RADIL: variants seen among roughly 807,000 people sequenced by gnomAD.
The protein encoded by RADIL is Rap associating with DIL domain, also known as ras-associating and dilute domain-containing protein.
In RADIL, 99 loss-of-function variants were observed where a neutral mutation model predicts 97.6. That is an observed-to-expected ratio of 1.01 (90% CI 0.86 to 1.20). The LOEUF (loss-of-function observed/expected upper bound fraction) is 1.20, where lower values mean the gene tolerates loss of function less well. Ranked by LOEUF, RADIL falls within the 50% of genes most tolerant of loss-of-function variation. The pLI, the probability that RADIL is intolerant of heterozygous loss-of-function variation, is 0.00. For synonymous variants in RADIL, 803 were observed against 691.8 expected (o/e 1.16, Z -2.52); for missense variants, 1,765 against 1,498.9 (o/e 1.18, Z -2.93).
At chr7:4,804,741 C>T (rs192846037) in intron 10 of RADIL, among the ~76,000 whole-genome samples, 34 of 150,246 alleles carry the variant, frequency 2.3e-4, no homozygotes, top group African/African-American at 8.1e-4. Context: ...GAGCCAAGAT[C>T]GAGCCACTGC....
intron 9 of RADIL, 27 bp from the exon 10 acceptor site, chr7:4,805,743 C>A: frequency 3.1e-6 from 5 of 1,596,034 alleles, no homozygotes; most frequent in Non-Finnish European, 4.3e-6. Flanking sequence ...AGCTCATGGT[C>A]ACAGGTCTCT....
chr7:4,835,210 G>T lies in RADIL; in HGVS notation c.813C>A (p.Asp271Glu), dbSNP rs1443764675. 6.2e-7 allele frequency: 1 copy of T among 1,611,380 alleles called. No homozygotes were observed. Among genetic ancestry groups the T allele is most frequent in the Non-Finnish European group, 8.5e-7 (1 of 1,179,852 alleles). The change falls in exon 4 of 15, where the codon GAC becomes GAA. Residue 271 changes from aspartate to glutamate, a missense_variant. Coordinates refer to ENST00000399583, the MANE Select transcript of RADIL (RefSeq NM_018059.5). The surrounding 1 kb of genome is among the most constrained non-coding windows in gnomAD (Gnocchi z 5.8). ...HDSLVYVLNR[D>E]RHTVGQRTPS... ...GGGTCCGCTGGCCCACCGTGTGCCG[G>T]TCCCGGTTGAGCACATACACCAGGC...
At chr7:4,800,642 T>A (rs1441494137) in intron 12 of RADIL, among the ~76,000 whole-genome samples, 1 of 151,930 alleles carries the variant, frequency 6.6e-6, no homozygotes, top group Non-Finnish European at 1.5e-5. Flanking sequence ...CTGCTCCTCC[T>A]CCTCCTCCCT....
intron 2 of RADIL, among the ~76,000 whole-genome samples, chr7:4,843,097 C>A (rs1783486248): frequency 6.6e-6 from 1 of 150,844 alleles, no homozygotes; most frequent in African/African-American, 2.4e-5. Flanking sequence ...ACCTCTGCCT[C>A]CCGGGTTCAA....
rs972140860 is a variant in RADIL, at chr7:4,877,473, G to T, written c.535+132C>A. 4 of 977,784 alleles carry T rather than the reference G, an allele frequency of 4.1e-6. No homozygotes were observed. The Admixed American group carries it at 8.4e-5, about 21-fold the overall frequency. 60.6% of individuals were successfully genotyped at this position (977,784 alleles called of 1,614,324 possible). On this transcript the variant is annotated intron_variant, in intron 2 of 14. Transcript: ENST00000399583. ...GGAAGGCTTCAAACATCCAGGACAC[G>T]GGCTCCGACTGCCTCCTGCAGAGCG...
At position 4,813,325 on chromosome 7, in the gene RADIL, G is replaced by A. The variant is rs1401119732; in HGVS notation, c.2139+1953C>T. ...GGGCCTGGTGTTTACTTCCCAAGGG[G>A]TCCTGGACTCGTCATCTCTGTCTCC... On this transcript the variant is annotated intron_variant, in intron 9 of 14. Coordinates refer to ENST00000399583, the MANE Select transcript of RADIL (RefSeq NM_018059.5). This position sits in a 1 kb window ranked among gnomAD's most constrained non-coding sequence, Gnocchi z 5.0. Among the ~76,000 whole-genome samples the A allele has an allele frequency of 6.6e-6, 1 of 152,078 alleles. No individual in the cohort carries two copies. The highest frequency in any genetic ancestry group is 1.9e-4 in the East Asian group (1 of 5,188).
At chr7:4,859,932 G>T (rs1233556029) in intron 2 of RADIL, 1 of 1,613,318 alleles carries the variant, frequency 6.2e-7, no homozygotes, top group Non-Finnish European at 8.5e-7. Flanking sequence ...TGAGTTTCCT[G>T]AAGGTCTGGA....
rs778865843 is a variant in RADIL, at chr7:4,821,935, CAAT to C, written c.1615+456_1615+458del. Among the ~76,000 whole-genome samples, 4 of 152,304 alleles carry C rather than the reference CAAT, an allele frequency of 2.6e-5. No homozygotes were observed. Among genetic ancestry groups the C allele is most frequent in the African/African-American group, 7.2e-5 (3 of 41,558 alleles). On this transcript the variant is annotated intron_variant, in intron 6 of 14. Transcript: ENST00000399583. This position sits in a 1 kb window ranked among gnomAD's most constrained non-coding sequence, Gnocchi z 5.2. ...ACCGACATAATCTACAATTTCACAA[CAAT>C]GACTGGCAACATCTGTCCTTCTGGA...
chr7:4,860,327 T>C (rs760691379), intron 2 of RADIL: 1 of 1,614,046 alleles, frequency 6.2e-7, no homozygotes, highest in South Asian at 1.1e-5. Flanking sequence ...CAGCAGCTGG[T>C]GAAGTTCCTT....
intron 2 of RADIL, chr7:4,859,973 CTGGCG>C (rs1300890174): frequency 1.2e-6 from 2 of 1,613,922 alleles, no homozygotes; most frequent in Admixed American, 3.3e-5. Flanking sequence ...AGAAACAACT[CTGGCG>C]ACCATGGCCT....
intron 2 of RADIL, among the ~76,000 whole-genome samples, chr7:4,850,728 T>C (rs1783688606): frequency 1.3e-5 from 2 of 152,194 alleles, no homozygotes; most frequent in East Asian, 3.9e-4. Flanking sequence ...CCAACAACCT[T>C]GTGAGTCTGA....
Position 4,835,056 on chromosome 7 carries a change from C to T in RADIL, c.967G>A (p.Ala323Thr), listed in dbSNP as rs1202174565. 6.2e-7 allele frequency: 1 copy of T among 1,608,448 alleles called. No individual in the cohort carries two copies. The highest frequency in any genetic ancestry group is 1.3e-5 in the African/African-American group (1 of 74,824). The stretch of plus-strand genomic sequence containing the variant: ...TCGGAGAAGTTGACGGAGATGTGCG[C>T]CCCGGGGATGGGCTCCAGGACCAGC... ...GRLVLEPIPG[A>T]HISVNFSEVG... Residue 323 changes from alanine to threonine, a missense_variant, in exon 4 of 15, where the codon GCG becomes ACG. By Grantham distance (58) the Ala-to-Thr change is moderately conservative. Coordinates refer to ENST00000399583, the MANE Select transcript of RADIL (RefSeq NM_018059.5). This position sits in a 1 kb window ranked among gnomAD's most constrained non-coding sequence, Gnocchi z 5.8.
chr7:4,817,430 T>G lies in RADIL; in HGVS notation c.1616-79A>C. 1 of 1,316,508 alleles carries G rather than the reference T, an allele frequency of 7.6e-7. No individual in the cohort carries two copies. The highest frequency in any genetic ancestry group is 1.0e-6 in the Non-Finnish European group (1 of 954,338). The allele number at this position is 1,316,508 out of a possible 1,614,324, so 81.6% of individuals were successfully genotyped here. On this transcript the variant is annotated intron_variant, in intron 6 of 14. Transcript: ENST00000399583. This position sits in a 1 kb window ranked among gnomAD's most constrained non-coding sequence, Gnocchi z 8.3. ...CAGCAACTCAGCCAGCCGCCAGCTC[T>G]TTCCCTGGCGCGGGCACCACCCAAC...
rs200672856 is a variant in RADIL at position 4,877,647 on chromosome 7, C to T, written c.493G>A (p.Val165Met). The change falls in exon 2 of 15, where the codon GTG becomes ATG. Residue 165 changes from valine to methionine, a missense_variant. Val to Met is a conservative substitution (Grantham distance 21). Coordinates refer to ENST00000399583, the MANE Select transcript of RADIL (RefSeq NM_018059.5). ...RRFELRKRSD[V>M]EELAAKEVDT... ...ACCTCCTTGGCTGCCAGCTCCTCCA[C>T]GTCCGACCTCTTCCTCAGCTCAAAC... is the stretch of plus-strand genomic sequence containing the variant. 2.8e-5 allele frequency: 45 copies of T among 1,612,060 alleles called. No individual in the cohort carries two copies. In the African/African-American group the frequency reaches 3.7e-4, roughly 13 times the overall value.
intron 2 of RADIL, among the ~76,000 whole-genome samples, chr7:4,852,250 A>T (rs1437032837): frequency 2.0e-5 from 3 of 152,180 alleles, no homozygotes; most frequent in Non-Finnish European, 4.4e-5. Context: ...GCTACCGTCC[A>T]TGCAGAGGGA....
chr7:4,810,573 C>T (rs944088618), intron 9 of RADIL, among the ~76,000 whole-genome samples: 3 of 152,172 alleles, frequency 2.0e-5, no homozygotes, highest in Admixed American at 1.3e-4. Flanking sequence ...TGGGTTTTTC[C>T]CAGTCTGGGG....
At chr7:4,871,590 C>T (rs1438344805) in intron 2 of RADIL, among the ~76,000 whole-genome samples, 2 of 152,346 alleles carry the variant, frequency 1.3e-5, no homozygotes, top group South Asian at 2.1e-4. Context: ...CAGCCCACCA[C>T]GCCGCCAGGT....
At chr7:4,845,980 C>T (rs1341359585) in intron 2 of RADIL, among the ~76,000 whole-genome samples, 3 of 152,218 alleles carry the variant, frequency 2.0e-5, no homozygotes, top group East Asian at 1.9e-4. Flanking sequence ...GAGAGGGTCA[C>T]GGTGACCAGC....
chr7:4,851,592 A>G (rs1783710060), intron 2 of RADIL, among the ~76,000 whole-genome samples: 1 of 152,184 alleles, frequency 6.6e-6, no homozygotes, highest in Non-Finnish European at 1.5e-5. Flanking sequence ...AGCTCACTGA[A>G]TATGTCATCC....
Sources: allele counts gnomAD v4.1 joint callset (sites outside exome capture counted in the v4.1 genomes callset), GRCh38; gene constraint gnomAD v4.1.1; non-coding constraint Gnocchi (gnomAD v3.1); transcripts MANE v1.5; gene names NCBI Gene and HGNC (gene_info 2026-07-23, HGNC 2026-07-21).